DEPDC5: variants seen among roughly 807,000 people sequenced by gnomAD.
The protein encoded by DEPDC5 is DEP domain containing 5, GATOR1 subcomplex subunit.
Under a neutral mutation model 217.3 loss-of-function variants are expected in DEPDC5, and 73 were observed. The ratio of observed to expected loss-of-function variants is 0.34; its 90% CI spans 0.28 to 0.41. The LOEUF (loss-of-function observed/expected upper bound fraction) is 0.41. DEPDC5 is among the 10% of genes least tolerant of loss of function. The pLI is 1.00. For synonymous variants in DEPDC5, 733 were observed against 756.7 expected (o/e 0.97, Z 0.51); for missense variants, 1,675 against 2,070.1 (o/e 0.81, Z 3.70).
Position 31,804,199 on chromosome 22 carries a change from G to A in DEPDC5, c.1119G>A (p.Pro373=), listed in dbSNP as rs779115990. The A allele has an allele frequency of 8.7e-6, 14 of 1,614,010 alleles. No individual in the cohort carries two copies. The highest frequency in any genetic ancestry group is 6.6e-5 in the South Asian group (6 of 91,072). The stretch of plus-strand genomic sequence containing the variant: ...ATTTGGTGTGCATGGGAGAGCAACC[G>A]TTACATGCTGTCCCATTGTTCAAGG... The part of the protein sequence containing the change: ...GVDLVCMGEQ[P]LHAVPLFKLH... Residue 373 remains proline, a synonymous_variant, in exon 16 of 43, where the codon CCG becomes CCA. Coordinates refer to ENST00000651528, the MANE Select transcript of DEPDC5 (RefSeq NM_001242896.3).
chr22:31,799,077 C>G (rs1334307146), intron 14 of DEPDC5, among the ~76,000 whole-genome samples: 1 of 146,726 alleles, frequency 6.8e-6, no homozygotes, highest in Non-Finnish European at 1.5e-5. Context: ...TGGAGTCTTG[C>G]TCTGTCGCCA....
intron 37 of DEPDC5, among the ~76,000 whole-genome samples, chr22:31,879,038 AAAAAAAT>A (rs2093088816): frequency 7.7e-6 from 1 of 129,186 alleles, no homozygotes; most frequent in African/African-American, 3.2e-5. Flanking sequence ...TCAAAAAAAA[AAAAAAAT>A]ATATATATAT....
chr22:31,823,142 C>A (rs2089854602), intron 24 of DEPDC5: 2 of 238,704 alleles, frequency 8.4e-6, no homozygotes, highest in Non-Finnish European at 1.7e-5. Context: ...GGGAGCAAAC[C>A]CACCTCCATA....
At chr22:31,886,602 A>T (rs545372819) in intron 38 of DEPDC5, among the ~76,000 whole-genome samples, 1 of 151,364 alleles carries the variant, frequency 6.6e-6, no homozygotes, top group Admixed American at 6.6e-5. Context: ...TCTACTAAAT[A>T]TACAAAAATT....
At chr22:31,814,769 T>G in intron 20 of DEPDC5, 1 of 569,700 alleles carries the variant, frequency 1.8e-6, no homozygotes, top group Non-Finnish European at 3.1e-6. Flanking sequence ...ACTATGATCC[T>G]AGGACTTTGG....
chr22:31,880,879 C>G (rs558279219), intron 38 of DEPDC5, among the ~76,000 whole-genome samples: 2 of 152,018 alleles, frequency 1.3e-5, no homozygotes. Context: ...AAAAAATTAG[C>G]CAGGCGTGAC....
intron 7 of DEPDC5, among the ~76,000 whole-genome samples, chr22:31,774,319 C>T (rs950324728): frequency 4.0e-5 from 6 of 151,524 alleles, no homozygotes; most frequent in Non-Finnish European, 8.8e-5. Flanking sequence ...CCTGCCTCAG[C>T]CTCTCAAGTA....
At chr22:31,764,886 G>T in intron 4 of DEPDC5, 89 bp from the exon 5 acceptor site, 1 of 919,814 alleles carries the variant, frequency 1.1e-6, no homozygotes, top group Non-Finnish European at 1.8e-6. Flanking sequence ...CAATTGTGTT[G>T]CTTACTGAGT....
chr22:31,819,130 C>T lies in DEPDC5; in HGVS notation c.1775C>T (p.Thr592Met), dbSNP rs187222350. The T allele has an allele frequency of 1.3e-5, 21 of 1,614,188 alleles. No homozygotes were observed. Among genetic ancestry groups the T allele is most frequent in the African/African-American group, 6.7e-5 (5 of 75,056 alleles). Residue 592 changes from threonine (T) to methionine (M), a missense_variant, in exon 22 of 43, where the codon ACG becomes ATG. By Grantham distance (81) the Thr-to-Met change is moderately conservative. This residue lies in a region of DEPDC5 where 628 missense variants were observed against 762.1 expected (regional missense o/e 0.82). Transcript: ENST00000651528. ...CTGCATGTTCGACCTGGTGGATACACGCCCCAGAGAGCACTGATTAACCCC... is the reference window on the plus strand; with the variant it reads ...CTGCATGTTCGACCTGGTGGATACATGCCCCAGAGAGCACTGATTAACCCC... ...SMLHVRPGGYTPQRALINPFA... is the reference protein window; with the variant it reads ...SMLHVRPGGYMPQRALINPFA...
intron 2 of DEPDC5, chr22:31,755,327 T>A: frequency 3.1e-6 from 1 of 327,708 alleles, no homozygotes; most frequent in Non-Finnish European, 5.8e-6. Context: ...TTACATTGAG[T>A]GAGAGAGAAG....
chr22:31,900,195 T>G (rs1001911485), intron 40 of DEPDC5, among the ~76,000 whole-genome samples: 4 of 151,902 alleles, frequency 2.6e-5, no homozygotes, highest in African/African-American at 9.7e-5. Context: ...TACAGGCATG[T>G]GGAACCACGC....
intron 38 of DEPDC5, among the ~76,000 whole-genome samples, chr22:31,882,902 G>A (rs1233913904): frequency 2.0e-5 from 3 of 152,106 alleles, no homozygotes; most frequent in Non-Finnish European, 2.9e-5. Context: ...AGGATTACAG[G>A]TGGGAGCCAT....
chr22:31,867,576 A>G (rs1456709665), intron 33 of DEPDC5, among the ~76,000 whole-genome samples: 1 of 152,244 alleles, frequency 6.6e-6, no homozygotes, highest in African/African-American at 2.4e-5. Context: ...GATCTGGTCT[A>G]CCATCTGCTT....
chr22:31,844,413 A>G (rs1320204928), intron 29 of DEPDC5, among the ~76,000 whole-genome samples: 1 of 152,098 alleles, frequency 6.6e-6, no homozygotes, highest in African/African-American at 2.4e-5. Context: ...AAATAGGTTA[A>G]TGTGATAAAT....
At chr22:31,875,564 A>T (rs1179977397) in intron 36 of DEPDC5, 1 of 151,968 alleles carries the variant, frequency 6.6e-6, no homozygotes, top group Non-Finnish European at 1.5e-5. Context: ...TTTAATAAGA[A>T]TATCTGAAAT....
At chr22:31,897,693 A>C in intron 40 of DEPDC5, 40 bp downstream of exon 40, 1 of 1,605,858 alleles carries the variant, frequency 6.2e-7, no homozygotes, top group Non-Finnish European at 8.5e-7. Flanking sequence ...TCAACCAGTA[A>C]GACCCCGTCC....
intron 33 of DEPDC5, among the ~76,000 whole-genome samples, chr22:31,865,936 A>G (rs761612619): frequency 6.6e-6 from 1 of 152,160 alleles, no homozygotes; most frequent in Non-Finnish European, 1.5e-5. Context: ...GCAGGAGCCC[A>G]CTTAGCCCAT....
Position 31,879,730 on chromosome 22 carries a change from G to A in DEPDC5, c.4011G>A (p.Arg1337=). The A allele has an allele frequency of 6.2e-7, 1 of 1,613,946 alleles. No homozygotes were observed. ...HSSFSRSFGG[R]SQAAALLAAT... is the part of the protein sequence containing the mutation. ...CCTTTAGCCGAAGTTTTGGAGGACG[G>A]AGCCAGGCGGCAGCACTTTTAGGTA... The change falls in exon 38 of 43, where the codon CGG becomes CGA. Residue 1337 remains arginine, a synonymous_variant. Coordinates refer to ENST00000651528, the MANE Select transcript of DEPDC5 (RefSeq NM_001242896.3).
At chr22:31,797,058 ATCTT>A (rs1173413939) in intron 12 of DEPDC5, among the ~76,000 whole-genome samples, 2 of 140,626 alleles carry the variant, frequency 1.4e-5, no homozygotes, top group African/African-American at 5.4e-5. Context: ...AGCTCACTGA[ATCTT>A]TTTTTTTTTT....
Sources: gnomAD v4.1 joint callset for allele counts (sites outside exome capture counted in the v4.1 genomes callset) on GRCh38, gnomAD v4.1.1 for gene constraint, gnomAD v4.1.1 regional missense constraint, MANE v1.5 for transcripts, NCBI Gene and HGNC (gene_info 2026-07-23, HGNC 2026-07-21) for gene names.